The following GRB14 variants were observed in gnomAD, a reference collection of about 807,000 sequenced individuals.
GRB14 encodes growth factor receptor bound protein 14, also known as growth factor receptor-bound protein 14.
Under a neutral mutation model 69.1 loss-of-function variants are expected in GRB14, and 38 were observed. That is an observed-to-expected ratio of 0.55 (90% CI 0.42 to 0.72). The LOEUF (loss-of-function observed/expected upper bound fraction) is 0.72, where lower values mean the gene tolerates loss of function less well. Ranked by LOEUF, GRB14 falls within the 30% of genes least tolerant of loss-of-function variation. The probability of loss-of-function intolerance (pLI) is 0.00; values close to 1 mark genes in which losing one functional copy is unlikely to be tolerated. For missense variants in GRB14, 666 were observed against 666.1 expected, an observed-to-expected ratio of 1.00 and a Z score of 0.00; for synonymous variants, 247 against 241.3, an observed-to-expected ratio of 1.02 and a Z score of -0.22.
chr2:164,532,618 C>T (rs1024479485), intron 3 of GRB14, among the ~76,000 whole-genome samples: 1 of 152,080 alleles, frequency 6.6e-6, no homozygotes, highest in Non-Finnish European at 1.5e-5. Flanking sequence ...ATCAGGGAAG[C>T]AGAGGTTCAA....
intron 2 of GRB14, among the ~76,000 whole-genome samples, chr2:164,568,780 T>C (rs1274254799): frequency 6.6e-6 from 1 of 152,324 alleles, no homozygotes; most frequent in South Asian, 2.1e-4. Context: ...TCTGTTTACA[T>C]TGGTCTATTT....
chr2:164,533,150 T>G (rs1171442259), intron 3 of GRB14, among the ~76,000 whole-genome samples: 4 of 151,898 alleles, frequency 2.6e-5, no homozygotes, highest in Non-Finnish European at 5.9e-5. Flanking sequence ...ATTTACATCC[T>G]GCACATTCTG....
At chr2:164,518,719 T>C (rs1687555938) in intron 6 of GRB14, among the ~76,000 whole-genome samples, 1 of 151,814 alleles carries the variant, frequency 6.6e-6, no homozygotes, top group South Asian at 2.1e-4. Context: ...ATACAAAAGA[T>C]CATTCAAGGC....
Position 164,547,726 on chromosome 2 carries a change from G to A in GRB14, c.415C>T (p.Leu139=), listed in dbSNP as rs767784448. 8 of 1,613,704 alleles carry A rather than the reference G, an allele frequency of 5.0e-6. No individual in the cohort carries two copies. The highest frequency in any genetic ancestry group is 4.0e-5 in the African/African-American group (3 of 74,922). The change falls in exon 3 of 14, where the codon CTG becomes TTG. Residue 139 remains leucine (L), a synonymous_variant. Transcript: ENST00000263915. ...TGGTCATCAATGTAATGATTCTTCA[G>A]GATCAACAGCTGACAAACATCTCGA... ...TARDVCQLLI[L]KNHYIDDHSW...
intron 2 of GRB14, among the ~76,000 whole-genome samples, chr2:164,611,973 C>G (rs1012306400): frequency 2.0e-5 from 3 of 152,152 alleles, no homozygotes; most frequent in African/African-American, 7.2e-5. Context: ...ATCAGAATCA[C>G]TTGCTCTAGG....
chr2:164,568,260 G>T, intron 2 of GRB14: 1 of 1,104,318 alleles, frequency 9.1e-7, no homozygotes, highest in Admixed American at 2.4e-5. Context: ...ACAGTAACAG[G>T]GGAAAAAAAG....
intron 8 of GRB14, among the ~76,000 whole-genome samples, chr2:164,506,764 G>C (rs910698100): frequency 1.3e-5 from 2 of 152,038 alleles, no homozygotes; most frequent in Non-Finnish European, 2.9e-5. Context: ...TAGATATAGA[G>C]AGCTATATAT....
At position 164,559,965 on chromosome 2, in the gene GRB14, C is replaced by T. The variant is rs191375684; in HGVS notation, c.325-12149G>A. Among the ~76,000 whole-genome samples the T allele has an allele frequency of 4.6e-3, 696 of 152,240 alleles. 8 individuals are homozygous for T. The highest frequency in any genetic ancestry group is 7.6e-3 in the Non-Finnish European group (518 of 68,008). On this transcript the variant is annotated intron_variant, in intron 2 of 13. Coordinates refer to ENST00000263915, the MANE Select transcript of GRB14 (RefSeq NM_004490.3). ...CACAGTGTTGTAAAAGAAATGGAAT[C>T]TATACTGTTTAGAATCATAAAATAC... is the stretch of plus-strand genomic sequence containing the variant.
At chr2:164,539,887 C>G (rs1275024672) in intron 3 of GRB14, 1 of 152,164 alleles carries the variant, frequency 6.6e-6, no homozygotes, top group Non-Finnish European at 1.5e-5. Context: ...TTCCAGGGAG[C>G]CACAGGTAGT....
chr2:164,511,907 C>T (rs970016651), intron 6 of GRB14, among the ~76,000 whole-genome samples: 5 of 152,076 alleles, frequency 3.3e-5, no homozygotes, highest in African/African-American at 1.2e-4. Context: ...AGTCCACTAC[C>T]ATGAAGGGCG....
At chr2:164,498,641 G>C (rs997666239) in intron 9 of GRB14, among the ~76,000 whole-genome samples, 2 of 152,142 alleles carry the variant, frequency 1.3e-5, no homozygotes, top group African/African-American at 4.8e-5. Flanking sequence ...CTACTAGCCA[G>C]CCTGCATCTG....
intron 2 of GRB14, among the ~76,000 whole-genome samples, chr2:164,617,223 C>T (rs1467278555): frequency 6.6e-6 from 1 of 152,078 alleles, no homozygotes. Flanking sequence ...GCAAGAAGGG[C>T]CCTTCAAAGG....
intron 2 of GRB14, among the ~76,000 whole-genome samples, chr2:164,594,159 A>G (rs79238054): frequency 6.6e-6 from 1 of 151,976 alleles, no homozygotes; most frequent in African/African-American, 2.4e-5. Flanking sequence ...AAAAAAAAAA[A>G]GTCTATCTTG....
In GRB14 at chr2:164,493,052, G is replaced by A. The variant is rs181834890; in HGVS notation, c.1607C>T (p.Ala536Val). 16 of 1,613,292 alleles carry A rather than the reference G, an allele frequency of 9.9e-6. No homozygotes were observed. In the East Asian group the frequency reaches 3.3e-4, roughly 34 times the overall value. The change falls in exon 14 of 14, where the codon GCT (alanine) becomes GTT (valine). Residue 536 changes from alanine (A) to valine (V), a missense_variant. Ala to Val is a moderately conservative substitution (Grantham distance 64). Coordinates refer to ENST00000263915, the MANE Select transcript of GRB14 (RefSeq NM_004490.3). ...VLPCKLKHYC[A>V]RIAL ...CTGGCTTGTCTAGAGAGCAATCCTA[G>A]CACAATAATGTTTCAACTTGCAAGG...
At chr2:164,499,248 T>C (rs1473114189) in intron 9 of GRB14, among the ~76,000 whole-genome samples, 5 of 152,146 alleles carry the variant, frequency 3.3e-5, no homozygotes, top group African/African-American at 1.2e-4. Flanking sequence ...CTCCCTCTAG[T>C]ATAGCAGGCC....
intron 6 of GRB14, among the ~76,000 whole-genome samples, chr2:164,513,011 T>A (rs1687379711): frequency 6.6e-6 from 1 of 152,212 alleles, no homozygotes; most frequent in Non-Finnish European, 1.5e-5. Flanking sequence ...TTAAGAACAT[T>A]TTTAACTGCT....
chr2:164,513,153 C>T lies in GRB14; in HGVS notation c.817-4301G>A, dbSNP rs951353290. Among the ~76,000 whole-genome samples, 4 of 152,010 alleles carry T rather than the reference C, an allele frequency of 2.6e-5. No homozygotes were observed. In the East Asian group the frequency reaches 7.7e-4, roughly 29 times the overall value. The stretch of plus-strand genomic sequence containing the variant: ...CCCTCTCTGCCTCCTTTGCCTTCTT[C>T]CCTTCAGTCTCTTTTTCTCTCTTTC... On this transcript the variant is annotated intron_variant, in intron 6 of 13. Coordinates refer to ENST00000263915, the MANE Select transcript of GRB14 (RefSeq NM_004490.3).
Position 164,522,959 on chromosome 2 carries a change from T to C in GRB14, c.679-842A>G, listed in dbSNP as rs189697844. Among the ~76,000 whole-genome samples, 3 of 152,046 alleles carry C rather than the reference T, an allele frequency of 2.0e-5. No individual in the cohort carries two copies. The East Asian group carries it at 5.8e-4, about 29-fold the overall frequency. On this transcript the variant is annotated intron_variant, in intron 5 of 13. Coordinates refer to ENST00000263915, the MANE Select transcript of GRB14 (RefSeq NM_004490.3). Reference sequence around the variant, plus strand: ...TGACTTGGCCCTTGGAATCCAGCTGTCACATAAGAAATGTGACTACTCTGA... The same window carrying C: ...TGACTTGGCCCTTGGAATCCAGCTGCCACATAAGAAATGTGACTACTCTGA...
chr2:164,526,917 G>T (rs937408509), intron 4 of GRB14, 97 bp downstream of exon 4: 7 of 751,068 alleles, frequency 9.3e-6, no homozygotes, highest in African/African-American at 9.1e-5. Flanking sequence ...ACAATTTACC[G>T]AATAGGACTG....
Sources: gnomAD v4.1 joint callset for allele counts (sites outside exome capture counted in the v4.1 genomes callset) on GRCh38, gnomAD v4.1.1 for gene constraint, MANE v1.5 for transcripts, NCBI Gene and HGNC (gene_info 2026-07-23, HGNC 2026-07-21) for gene names.